The following SAP130 variants were observed in gnomAD, a reference collection of about 807,000 sequenced individuals.
SAP130 encodes histone deacetylase complex subunit SAP130.
A neutral mutation model predicts 103.2 loss-of-function variants in SAP130; 16 were observed. The ratio of observed to expected loss-of-function variants is 0.16; its 90% confidence interval spans 0.10 to 0.24. SAP130 has a LOEUF of 0.24. Among genes scored for constraint, SAP130 ranks in the 10% least tolerant of loss-of-function variants. SAP130 has a pLI of 1.00. For synonymous variants in SAP130, 477 were observed against 497.0 expected (o/e 0.96, Z 0.53); for missense variants, 990 against 1,359.7 (o/e 0.73, Z 4.28).
chr2:127,972,236 G>C (rs944967778), intron 15 of SAP130, among the ~76,000 whole-genome samples: 2 of 152,160 alleles, frequency 1.3e-5, no homozygotes, highest in Non-Finnish European at 2.9e-5. Context: ...GGGAGACTTT[G>C]GTACCTCATG....
chr2:127,975,777 A>C (rs905896660), intron 15 of SAP130, among the ~76,000 whole-genome samples: 1 of 152,202 alleles, frequency 6.6e-6, no homozygotes, highest in African/African-American at 2.4e-5. Flanking sequence ...TCCGAGGAGA[A>C]GTGAAGGCAA....
intron 7 of SAP130, 138 bp downstream of exon 7, chr2:128,010,131 G>T: frequency 1.2e-6 from 1 of 818,226 alleles, no homozygotes; most frequent in Middle Eastern, 4.0e-4. Flanking sequence ...TTTAGCCCCA[G>T]GATTTAGAAC....
intron 15 of SAP130, among the ~76,000 whole-genome samples, chr2:127,974,843 T>C (rs1681347907): frequency 6.6e-6 from 1 of 152,128 alleles, no homozygotes; most frequent in Non-Finnish European, 1.5e-5. Context: ...AATTTCTATG[T>C]TTAGATACAC....
At chr2:128,026,431 A>G (rs953798047) in intron 1 of SAP130, 133 bp from the exon 2 acceptor site, 5 of 617,868 alleles carry the variant, frequency 8.1e-6, no homozygotes, top group African/African-American at 3.7e-5. Context: ...TTTAAAAACA[A>G]TAACTTGGGA....
intron 15 of SAP130, among the ~76,000 whole-genome samples, chr2:127,962,477 C>T (rs1361803804): frequency 6.6e-6 from 1 of 152,128 alleles, no homozygotes; most frequent in Non-Finnish European, 1.5e-5. Context: ...CAGAACCAAC[C>T]TAAATGTCCA....
At chr2:127,954,829 C>T (rs1330259856) in intron 16 of SAP130, among the ~76,000 whole-genome samples, 157 bp downstream of exon 16, 7 of 152,202 alleles carry the variant, frequency 4.6e-5, no homozygotes, top group African/African-American at 1.4e-4. Context: ...GAGTTTACTG[C>T]TTTCTTCTAC....
chr2:127,977,873 AGCCTGG>A (rs1681582735), intron 15 of SAP130, 106 bp downstream of exon 15: 1 of 820,788 alleles, frequency 1.2e-6, no homozygotes, highest in Non-Finnish European at 2.0e-6. Flanking sequence ...ACTGCACTCC[AGCCTGG>A]GCTATATAAC....
chr2:127,999,823 A>G lies in SAP130; in HGVS notation c.1131T>C (p.Ala377=). ...TCATGGTAACAATGGTACTTGTGGG[A>G]GCTTGCGTGTGTGACACAGATCCTG... ...TTAGSVSHTQ[A]PTSTIVTMTV... Residue 377 remains alanine, a synonymous_variant, in exon 10 of 21, where the codon GCT becomes GCC. Transcript: ENST00000643581. 1.3e-6 allele frequency: 2 copies of G among 1,536,028 alleles called. No homozygotes were observed. The highest frequency in any genetic ancestry group is 1.7e-6 in the Non-Finnish European group (2 of 1,144,716).
In SAP130 at chr2:127,955,289, T is replaced by C. The variant is rs750469788; in HGVS notation, c.2119A>G (p.Met707Val). 19 of 1,608,444 alleles carry C rather than the reference T, an allele frequency of 1.2e-5. No homozygotes were observed. Among genetic ancestry groups the C allele is most frequent in the East Asian group, 6.7e-5 (3 of 44,720 alleles). ...VSMATPVTVS[M>V]ETVSNQNNDQ... ...TTATTTTGATTGGATACAGTCTCCATGGACACAGTGACCGGAGTGGCCATA... is the reference window on the plus strand; with the variant it reads ...TTATTTTGATTGGATACAGTCTCCACGGACACAGTGACCGGAGTGGCCATA... The change falls in exon 16 of 21, where the codon ATG (methionine) becomes GTG (valine). Residue 707 changes from methionine (M) to valine (V), a missense_variant. Physicochemically the swap from Met to Val is conservative, Grantham distance 21. Transcript: ENST00000643581. This position sits in a 1 kb window ranked among gnomAD's most constrained non-coding sequence, Gnocchi z 4.9.
chr2:128,015,267 C>T (rs72841729), intron 4 of SAP130, among the ~76,000 whole-genome samples: 3,617 of 152,252 alleles, frequency 0.024, 65 homozygotes, highest in Middle Eastern at 0.048. Flanking sequence ...TCACTATTTC[C>T]TTTACATACC....
At position 127,944,351 on chromosome 2, in the gene SAP130, A is replaced by G. The variant is rs375130901; in HGVS notation, c.2901+1105T>C. Reference sequence around the variant, plus strand: ...GAACCTGGCCCCTTATGTTCTATTAAAAAAAAATTTTAACTTTTTATACTT... The same window carrying G: ...GAACCTGGCCCCTTATGTTCTATTAGAAAAAAATTTTAACTTTTTATACTT... On this transcript the variant is annotated intron_variant, in intron 19 of 20. Coordinates refer to ENST00000643581, the MANE Select transcript of SAP130 (RefSeq NM_001330301.2). Among the ~76,000 whole-genome samples, 51 of 152,132 alleles carry G rather than the reference A, an allele frequency of 3.4e-4. 1 individual carries two copies. In the South Asian group the frequency reaches 6.4e-3, roughly 19 times the overall value.
Position 127,947,325 on chromosome 2 carries a change from G to A in SAP130, c.2798-1766C>T, listed in dbSNP as rs565330933. 2.6e-5 allele frequency among the ~76,000 whole-genome samples: 4 copies of A among 152,276 alleles called. No individual in the cohort carries two copies. The South Asian group carries it at 6.2e-4, about 24-fold the overall frequency. On this transcript the variant is annotated intron_variant, in intron 18 of 20. Transcript: ENST00000643581. The stretch of plus-strand genomic sequence containing the variant: ...TATGGCAACCCTAGGAAATTAATAA[G>A]GCCAGTTAATATGGTGGATTACTTT...
intron 15 of SAP130, among the ~76,000 whole-genome samples, chr2:127,965,486 GA>G (rs1288929756): frequency 6.6e-6 from 1 of 151,562 alleles, no homozygotes; most frequent in African/African-American, 2.4e-5. Flanking sequence ...CAAAAAAAGT[GA>G]GGGGTGGAGG....
chr2:127,968,135 T>A (rs1452299986), intron 15 of SAP130, among the ~76,000 whole-genome samples: 1 of 150,564 alleles, frequency 6.6e-6, no homozygotes, highest in East Asian at 2.0e-4. Context: ...TTAGGCAGAG[T>A]TTCACTCTTA....
intron 2 of SAP130, among the ~76,000 whole-genome samples, chr2:128,019,812 G>A (rs998400048): frequency 4.6e-5 from 7 of 152,068 alleles, no homozygotes; most frequent in East Asian, 3.9e-4. Context: ...GCTTGAGCCC[G>A]GGAGGTGGAG....
intron 19 of SAP130, among the ~76,000 whole-genome samples, chr2:127,944,715 C>T (rs1240825155): frequency 2.0e-5 from 3 of 151,894 alleles, no homozygotes; most frequent in Admixed American, 6.6e-5. Context: ...TGTGAGCCAC[C>T]GTGCCTGGCC....
chr2:128,020,381 G>C (rs1182722079), intron 2 of SAP130, among the ~76,000 whole-genome samples: 2 of 152,138 alleles, frequency 1.3e-5, no homozygotes, highest in African/African-American at 4.8e-5. Context: ...AGTATTGTCT[G>C]TTTTTTAACT....
At chr2:127,998,037 C>G (rs1284480738) in intron 10 of SAP130, among the ~76,000 whole-genome samples, 1 of 151,426 alleles carries the variant, frequency 6.6e-6, no homozygotes, top group Admixed American at 6.6e-5. Context: ...TTACTTGAAC[C>G]TGGGAGATTG....
At chr2:128,024,309 T>A (rs1219382208) in intron 2 of SAP130, among the ~76,000 whole-genome samples, 3 of 150,716 alleles carry the variant, frequency 2.0e-5, no homozygotes, top group African/African-American at 7.3e-5. Flanking sequence ...CAAGACTCCA[T>A]CTCCATTGGA....
Sources: gnomAD v4.1 joint callset for allele counts (sites outside exome capture counted in the v4.1 genomes callset) on GRCh38, gnomAD v4.1.1 for gene constraint, Gnocchi (gnomAD v3.1) non-coding constraint, MANE v1.5 for transcripts, NCBI Gene and HGNC (gene_info 2026-07-23, HGNC 2026-07-21) for gene names.